Variants in GPC5 observed in about 807,000 individuals in gnomAD.
GPC5 encodes glypican 5.
Under a neutral mutation model 53.9 loss-of-function variants are expected in GPC5, and 47 were observed. The ratio of observed to expected loss-of-function variants is 0.87; its 90% confidence interval spans 0.69 to 1.11. GPC5 has a LOEUF of 1.11. GPC5 is among the 50% of genes most tolerant of loss of function. GPC5 has a pLI of 0.00. For missense variants in GPC5, 748 were observed against 713.1 expected (o/e 1.05, Z -0.56); for synonymous variants, 286 against 263.3 (o/e 1.09, Z -0.84).
intron 6 of GPC5, among the ~76,000 whole-genome samples, chr13:91,925,217 A>G (rs888092082): frequency 2.6e-5 from 4 of 152,228 alleles, no homozygotes; most frequent in African/African-American, 4.8e-5. Flanking sequence ...ACCAGTATCA[A>G]TCACGTGATA....
intron 6 of GPC5, among the ~76,000 whole-genome samples, chr13:92,019,386 G>T (rs918617360): frequency 1.3e-5 from 2 of 152,016 alleles, no homozygotes; most frequent in Non-Finnish European, 2.9e-5. Context: ...ACAGATTATT[G>T]AATATTGCAT....
At chr13:92,514,571 C>T (rs986536639) in intron 7 of GPC5, among the ~76,000 whole-genome samples, 1 of 152,082 alleles carries the variant, frequency 6.6e-6, no homozygotes, top group Non-Finnish European at 1.5e-5. Flanking sequence ...TAACTGGAGG[C>T]ACATAAAGGC....
rs150225963 is a variant in GPC5 at position 92,375,145 on chromosome 13, A to G, written c.1561+230156A>G. ...AATTAATGTGTTCCCTAGGGGGTGG[A>G]TTATATAGTCCTAAAGACTAGTGAG... On this transcript the variant is annotated intron_variant, in intron 7 of 7. Transcript: ENST00000377067. 2.1e-3 allele frequency among the ~76,000 whole-genome samples: 315 copies of G among 152,306 alleles called. 2 individuals carry two copies. Among genetic ancestry groups the G allele is most frequent in the East Asian group, 0.019 (97 of 5,166 alleles).
At chr13:91,437,707 C>G (rs1181137736) in intron 1 of GPC5, among the ~76,000 whole-genome samples, 2 of 152,140 alleles carry the variant, frequency 1.3e-5, no homozygotes, top group African/African-American at 2.4e-5. Context: ...TGTTGGCCTG[C>G]ATTGCTAGAC....
At chr13:92,648,486 A>G (rs1269702193) in intron 7 of GPC5, among the ~76,000 whole-genome samples, 1 of 152,090 alleles carries the variant, frequency 6.6e-6, no homozygotes, top group Non-Finnish European at 1.5e-5. Context: ...TGCAGATTTA[A>G]TTATTTGGGT....
At chr13:92,751,942 C>T (rs1161807506) in intron 7 of GPC5, among the ~76,000 whole-genome samples, 1 of 151,664 alleles carries the variant, frequency 6.6e-6, no homozygotes, top group African/African-American at 2.4e-5. Flanking sequence ...TTTTCAGTTA[C>T]TTTGTTACCT....
intron 1 of GPC5, among the ~76,000 whole-genome samples, chr13:91,439,445 A>G (rs1434387500): frequency 6.6e-6 from 1 of 152,252 alleles, no homozygotes; most frequent in Non-Finnish European, 1.5e-5. Context: ...AATCTTCAGT[A>G]TTTGATACCA....
rs2033370789 is a variant in GPC5 at position 91,606,458 on chromosome 13, T to G, written c.326-86729T>G. Among the ~76,000 whole-genome samples the G allele has an allele frequency of 3.3e-5, 5 of 151,188 alleles. No homozygotes were observed. The South Asian group carries it at 1.1e-3, about 32-fold the overall frequency. On this transcript the variant is annotated intron_variant, in intron 2 of 7. Coordinates refer to ENST00000377067, the MANE Select transcript of GPC5 (RefSeq NM_004466.6). ...CTGCCTGGCTTTGGTATCAGAATGA[T>G]GCTGGCCTCATAAAATGAGTTAGGG... is the stretch of plus-strand genomic sequence containing the variant.
At chr13:92,006,766 T>C (rs956041372) in intron 6 of GPC5, among the ~76,000 whole-genome samples, 3 of 151,830 alleles carry the variant, frequency 2.0e-5, no homozygotes, top group Non-Finnish European at 4.4e-5. Flanking sequence ...TTCATAAACA[T>C]ACACACACAC....
intron 6 of GPC5, among the ~76,000 whole-genome samples, chr13:92,024,423 T>C (rs1210640612): frequency 6.6e-6 from 1 of 152,144 alleles, no homozygotes; most frequent in East Asian, 1.9e-4. Flanking sequence ...TCTCCCTCCA[T>C]CTCTTAACAC....
intron 7 of GPC5, among the ~76,000 whole-genome samples, chr13:92,146,681 T>C (rs945462647): frequency 2.6e-5 from 4 of 152,098 alleles, no homozygotes; most frequent in South Asian, 2.1e-4. Flanking sequence ...TTTCCCCCAA[T>C]CCCCCAAAGT....
intron 7 of GPC5, among the ~76,000 whole-genome samples, chr13:92,743,716 G>A (rs1182931410): frequency 1.3e-5 from 2 of 152,126 alleles, no homozygotes; most frequent in African/African-American, 4.8e-5. Flanking sequence ...GATATTGGCT[G>A]TGGGTTTCTC....
chr13:92,645,092 C>A (rs982950679), intron 7 of GPC5, among the ~76,000 whole-genome samples: 21 of 152,124 alleles, frequency 1.4e-4, no homozygotes, highest in African/African-American at 5.1e-4. Flanking sequence ...GTTACATAGG[C>A]CCTACTACAT....
chr13:91,926,167 T>G (rs2039765460), intron 6 of GPC5, among the ~76,000 whole-genome samples: 2 of 151,818 alleles, frequency 1.3e-5, no homozygotes, highest in Admixed American at 1.3e-4. Context: ...CAAGACCATC[T>G]TAACTAACAC....
chr13:91,996,879 T>C (rs1289421347), intron 6 of GPC5, among the ~76,000 whole-genome samples: 1 of 152,308 alleles, frequency 6.6e-6, no homozygotes, highest in East Asian at 1.9e-4. Context: ...TATGTAGCAA[T>C]TGTATGCATT....
intron 7 of GPC5, among the ~76,000 whole-genome samples, chr13:92,712,448 A>G (rs2060447213): frequency 1.4e-5 from 1 of 70,944 alleles, no homozygotes; most frequent in African/African-American, 4.7e-5. Flanking sequence ...CAAGACAGTA[A>G]AAACAAACAA....
chr13:92,624,498 T>C (rs1349041352), intron 7 of GPC5, among the ~76,000 whole-genome samples: 2 of 152,188 alleles, frequency 1.3e-5, no homozygotes, highest in Non-Finnish European at 2.9e-5. Flanking sequence ...TATAAAACTG[T>C]GAATATTCTG....
intron 7 of GPC5, among the ~76,000 whole-genome samples, chr13:92,541,614 G>A (rs978280495): frequency 1.3e-5 from 2 of 151,706 alleles, no homozygotes; most frequent in African/African-American, 4.8e-5. Flanking sequence ...ATGAACAGAA[G>A]TTCTTAATTT....
At chr13:92,845,713 C>T (rs1878590819) in intron 7 of GPC5, among the ~76,000 whole-genome samples, 1 of 152,152 alleles carries the variant, frequency 6.6e-6, no homozygotes, top group Middle Eastern at 3.2e-3. Flanking sequence ...AACCATCACA[C>T]TATCTATACC....
Sources: allele counts gnomAD v4.1 joint callset (sites outside exome capture counted in the v4.1 genomes callset), GRCh38; gene constraint gnomAD v4.1.1; transcripts MANE v1.5; gene names NCBI Gene and HGNC (gene_info 2026-07-23, HGNC 2026-07-21).